Variants in POU6F2 observed in about 807,000 individuals in gnomAD.
POU6F2 encodes POU class 6 homeobox 2.
Under a neutral mutation model 71.3 loss-of-function variants are expected in POU6F2, and 31 were observed. That is an observed-to-expected ratio of 0.43 (90% CI 0.33 to 0.59). The LOEUF (loss-of-function observed/expected upper bound fraction) is 0.59, where lower values mean the gene tolerates loss of function less well. Ranked by LOEUF, POU6F2 falls within the 20% of genes least tolerant of loss-of-function variation. The pLI, the probability that POU6F2 is intolerant of heterozygous loss-of-function variation, is 0.04. For missense variants in POU6F2, 783 were observed against 856.8 expected (o/e 0.91, Z 1.07); for synonymous variants, 347 against 355.7 (o/e 0.98, Z 0.27).
rs1786131773 is a variant in POU6F2 at position 39,351,087 on chromosome 7, T to C, written c.972+11072T>C. On this transcript the variant is annotated intron_variant, in intron 5 of 9. Coordinates refer to ENST00000518318, the MANE Select transcript of POU6F2 (RefSeq NM_001370959.1). ...GTGGGCACCAGCATTTTTTAAACTT[T>C]CCAGGAGACTCCGTGTGTGCAGCCA... Among the ~76,000 whole-genome samples the C allele has an allele frequency of 2.0e-5, 3 of 152,240 alleles. No homozygotes were observed. In the South Asian group the frequency reaches 6.2e-4, roughly 32 times the overall value.
At chr7:39,013,543 G>T (rs1789387932) in intron 1 of POU6F2, 1 of 153,368 alleles carries the variant, frequency 6.5e-6, no homozygotes, top group Non-Finnish European at 1.5e-5. Context: ...CGGCCATCTT[G>T]GCTCCTCCCT....
chr7:39,337,555 G>A (rs1785805834), intron 4 of POU6F2, among the ~76,000 whole-genome samples: 1 of 152,026 alleles, frequency 6.6e-6, no homozygotes, highest in Non-Finnish European at 1.5e-5. Context: ...CTTCCTAACT[G>A]TACTCATCTT....
chr7:39,174,252 G>A lies in POU6F2; in HGVS notation c.278-29983G>A, dbSNP rs1294017387. 2.0e-5 allele frequency among the ~76,000 whole-genome samples: 3 copies of A among 152,188 alleles called. No homozygotes were observed. In the East Asian group the frequency reaches 5.8e-4, roughly 29 times the overall value. ...TGTATGAAAGGCAAATGCTCTTGCT[G>A]ACCAACAGGCAGGCTGTCTTCAGGC... On this transcript the variant is annotated intron_variant, in intron 2 of 9. Transcript: ENST00000518318.
intron 4 of POU6F2, among the ~76,000 whole-genome samples, chr7:39,219,678 A>C (rs1267621990): frequency 6.6e-6 from 1 of 152,188 alleles, no homozygotes; most frequent in Non-Finnish European, 1.5e-5. Flanking sequence ...GTTTAGTGTT[A>C]TCTCCTCCCA....
At chr7:39,447,264 T>A (rs1422844279) in intron 7 of POU6F2, among the ~76,000 whole-genome samples, 1 of 152,216 alleles carries the variant, frequency 6.6e-6, no homozygotes, top group Non-Finnish European at 1.5e-5. Flanking sequence ...ATCATGATGA[T>A]CTACACTATG....
chr7:39,317,466 A>C (rs1004927153), intron 4 of POU6F2, among the ~76,000 whole-genome samples: 5 of 152,232 alleles, frequency 3.3e-5, no homozygotes, highest in Non-Finnish European at 4.4e-5. Context: ...ATGTATTCAC[A>C]ACTCAGTTTT....
chr7:39,082,636 G>A (rs1364246502), intron 1 of POU6F2, among the ~76,000 whole-genome samples: 1 of 152,002 alleles, frequency 6.6e-6, no homozygotes, highest in Non-Finnish European at 1.5e-5. Context: ...TCCAAGCCGA[G>A]TGCTACTTGA....
rs1330341718 is a variant in POU6F2 at position 39,432,679 on chromosome 7, C to T, written c.1114-398C>T. ...ATCCCCTAGTTCAGAAAGTGTGGAGCCCCCCGGGGTTGGGGGGTGGTGGGG... is the reference window on the plus strand; with the variant it reads ...ATCCCCTAGTTCAGAAAGTGTGGAGTCCCCCGGGGTTGGGGGGTGGTGGGG... On this transcript the variant is annotated intron_variant, in intron 6 of 9. Coordinates refer to ENST00000518318, the MANE Select transcript of POU6F2 (RefSeq NM_001370959.1). 7.2e-5 allele frequency among the ~76,000 whole-genome samples: 11 copies of T among 151,902 alleles called. 1 individual carries two copies.
intron 2 of POU6F2, among the ~76,000 whole-genome samples, chr7:39,096,512 A>G (rs1182865256): frequency 3.9e-5 from 6 of 152,292 alleles, no homozygotes; most frequent in South Asian, 2.1e-4. Context: ...TCTTTCTGTC[A>G]AGAGGAGTCT....
intron 1 of POU6F2, among the ~76,000 whole-genome samples, chr7:39,084,782 C>T (rs2128720642): frequency 6.6e-6 from 1 of 152,250 alleles, no homozygotes; most frequent in East Asian, 1.9e-4. Context: ...GCCGCCCCAC[C>T]TGCTTCTGTG....
At chr7:39,444,800 A>G (rs1414100131) in intron 7 of POU6F2, among the ~76,000 whole-genome samples, 1 of 152,154 alleles carries the variant, frequency 6.6e-6, no homozygotes, top group African/African-American at 2.4e-5. Context: ...CCCCGTGCCT[A>G]TGAATTAGTA....
chr7:39,246,533 T>C (rs1783824338), intron 4 of POU6F2, among the ~76,000 whole-genome samples: 2 of 152,148 alleles, frequency 1.3e-5, no homozygotes, highest in Non-Finnish European at 2.9e-5. Context: ...CAGCCCTCCT[T>C]TGACCTTAGG....
At chr7:39,091,167 T>A (rs1791357573) in intron 2 of POU6F2, among the ~76,000 whole-genome samples, 1 of 152,066 alleles carries the variant, frequency 6.6e-6, no homozygotes, top group Non-Finnish European at 1.5e-5. Flanking sequence ...TAAAAATAAA[T>A]CCATAGAGAG....
At chr7:39,203,790 T>A (rs1184795210) in intron 2 of POU6F2, among the ~76,000 whole-genome samples, 1 of 152,110 alleles carries the variant, frequency 6.6e-6, no homozygotes, top group East Asian at 1.9e-4. Flanking sequence ...GATTCAGTGT[T>A]CAAAGAGTAC....
chr7:39,034,039 C>T (rs747001106), intron 1 of POU6F2, among the ~76,000 whole-genome samples: 1 of 152,190 alleles, frequency 6.6e-6, no homozygotes, highest in South Asian at 2.1e-4. Context: ...AAGCCGTACA[C>T]GTCTGCCCTG....
chr7:39,201,031 A>T (rs1038001895), intron 2 of POU6F2, among the ~76,000 whole-genome samples: 3 of 150,586 alleles, frequency 2.0e-5, no homozygotes, highest in Non-Finnish European at 4.4e-5. Context: ...TGTCTCTCTC[A>T]AAAAAAAATA....
chr7:39,454,833 G>C (rs1368298175), intron 8 of POU6F2, among the ~76,000 whole-genome samples: 1 of 149,942 alleles, frequency 6.7e-6, no homozygotes, highest in African/African-American at 2.4e-5. Context: ...TGTCATCCTA[G>C]TGTTGGCTAA....
At chr7:39,273,294 C>T (rs1784371999) in intron 4 of POU6F2, among the ~76,000 whole-genome samples, 1 of 152,098 alleles carries the variant, frequency 6.6e-6, no homozygotes, top group Admixed American at 6.6e-5. Flanking sequence ...AGTGAACAAA[C>T]CTAGAAAACA....
chr7:39,426,317 C>T (rs1465119456), intron 6 of POU6F2, among the ~76,000 whole-genome samples: 1 of 152,160 alleles, frequency 6.6e-6, no homozygotes, highest in African/African-American at 2.4e-5. Context: ...GTTATGGGCA[C>T]CATGTTTTCT....
Sources: gnomAD v4.1 joint callset for allele counts (sites outside exome capture counted in the v4.1 genomes callset) on GRCh38, gnomAD v4.1.1 for gene constraint, MANE v1.5 for transcripts, NCBI Gene and HGNC (gene_info 2026-07-23, HGNC 2026-07-21) for gene names.